Variants in RBFOX3 observed in about 807,000 individuals in gnomAD.
The protein encoded by RBFOX3 is RNA binding protein fox-1 homolog 3.
RBFOX3 carries 17 observed loss-of-function variants against 48.7 expected under a neutral mutation model. The ratio of observed to expected loss-of-function variants is 0.35; its 90% CI spans 0.24 to 0.52. The LOEUF (loss-of-function observed/expected upper bound fraction) is 0.52, where lower values mean the gene tolerates loss of function less well. Among genes scored for constraint, RBFOX3 ranks in the 20% least tolerant of loss-of-function variants. The pLI, the probability that RBFOX3 is intolerant of heterozygous loss-of-function variation, is 0.94. For missense variants in RBFOX3, 382 were observed against 497.5 expected (o/e 0.77, Z 2.21); for synonymous variants, 212 against 209.5 (o/e 1.01, Z -0.10).
At chr17:79,290,007 G>A (rs1347918791) in intron 3 of RBFOX3, among the ~76,000 whole-genome samples, 1 of 152,202 alleles carries the variant, frequency 6.6e-6, no homozygotes, top group Non-Finnish European at 1.5e-5. Flanking sequence ...TGAGTTCCCA[G>A]AGGGTTCAGA....
chr17:79,571,358 A>G (rs2092671269), intron 1 of RBFOX3, among the ~76,000 whole-genome samples: 2 of 152,160 alleles, frequency 1.3e-5, no homozygotes, highest in Admixed American at 1.3e-4. Flanking sequence ...GCCTCTGTCA[A>G]GCCTGGCTAG....
At chr17:79,260,436 C>T (rs965453991) in intron 3 of RBFOX3, among the ~76,000 whole-genome samples, 38 of 152,210 alleles carry the variant, frequency 2.5e-4, no homozygotes, top group African/African-American at 8.7e-4. Context: ...AGCTAGGAAC[C>T]CTGAGAAGAA....
At chr17:79,633,383 C>T in the RBFOX3 span, among the ~76,000 whole-genome samples, 2 of 152,254 alleles carry the variant, frequency 1.3e-5, no homozygotes, top group Non-Finnish European at 2.9e-5. Flanking sequence ...CCGGGTGCAC[C>T]CCCTCCCCGG....
chr17:79,659,562 T>C, the RBFOX3 span, among the ~76,000 whole-genome samples: 1 of 151,928 alleles, frequency 6.6e-6, no homozygotes, highest in Non-Finnish European at 1.5e-5. Context: ...CCAGGGCAGG[T>C]GGTGACCCTG....
intron 4 of RBFOX3, among the ~76,000 whole-genome samples, chr17:79,215,559 C>T (rs762370089): frequency 2.4e-4 from 36 of 152,238 alleles, no homozygotes; most frequent in Non-Finnish European, 4.7e-4. Context: ...CATCTCCTGC[C>T]CACACGGAGC....
intron 4 of RBFOX3, among the ~76,000 whole-genome samples, chr17:79,171,615 A>G (rs1419828373): frequency 6.8e-6 from 1 of 147,330 alleles, no homozygotes; most frequent in Non-Finnish European, 1.5e-5. Context: ...AATTACTAAC[A>G]TTTAATTACT....
At chr17:79,475,157 G>C (rs2077548808) in intron 2 of RBFOX3, among the ~76,000 whole-genome samples, 1 of 152,158 alleles carries the variant, frequency 6.6e-6, no homozygotes, top group Admixed American at 6.5e-5. Flanking sequence ...GGTGGGAAGT[G>C]GGTGGGGGAC....
chr17:79,576,299 G>A (rs1281509309), intron 1 of RBFOX3, among the ~76,000 whole-genome samples: 6 of 152,254 alleles, frequency 3.9e-5, no homozygotes, highest in Admixed American at 3.3e-4. Flanking sequence ...ATATGGGGAT[G>A]GAGATGGAGA....
intron 4 of RBFOX3, among the ~76,000 whole-genome samples, chr17:79,207,656 C>T (rs940306245): frequency 2.6e-5 from 4 of 152,222 alleles, no homozygotes; most frequent in South Asian, 2.1e-4. Context: ...GCCCTCCTCT[C>T]GCGGGCCTAA....
intron 2 of RBFOX3, among the ~76,000 whole-genome samples, chr17:79,431,417 G>A (rs1364485657): frequency 4.6e-5 from 7 of 151,776 alleles, no homozygotes; most frequent in African/African-American, 9.7e-5. Flanking sequence ...GGGTTCAAAC[G>A]ATTCTCCTGC....
At chr17:79,388,916 A>C (rs2148127340) in intron 2 of RBFOX3, among the ~76,000 whole-genome samples, 1 of 152,302 alleles carries the variant, frequency 6.6e-6, no homozygotes, top group Middle Eastern at 3.4e-3. Flanking sequence ...AGATTCCCTT[A>C]ACTCCTCCCA....
Position 79,198,424 on chromosome 17 carries a change from T to C in RBFOX3, c.-34+37342A>G, listed in dbSNP as rs1599929208. ...GGTGACAGTGGAACGCTGGCATCTG[T>C]GTCCCGCCTGCCAGCTCATGGAGAA... On this transcript the variant is annotated intron_variant, in intron 4 of 14. Transcript: ENST00000693108. The surrounding 1 kb of genome is among the most constrained non-coding windows in gnomAD (Gnocchi z 8.2). 6.6e-6 allele frequency among the ~76,000 whole-genome samples: 1 copy of C among 152,196 alleles called. No homozygotes were observed. Among genetic ancestry groups the C allele is most frequent in the Admixed American group, 6.5e-5 (1 of 15,290 alleles).
In RBFOX3 at chr17:79,362,878, A is replaced by G. The variant is rs2057188620; in HGVS notation, c.-174-55054T>C. On this transcript the variant is annotated intron_variant, in intron 2 of 14. Transcript: ENST00000693108. The surrounding 1 kb of genome is among the most constrained non-coding windows in gnomAD (Gnocchi z 4.2). ...CTGTGTGCAGACCTCATTCTCGGAC[A>G]CTTCGAGGCCACACAGGTGTGAGAG... Among the ~76,000 whole-genome samples, 1 of 152,164 alleles carries G rather than the reference A, an allele frequency of 6.6e-6. No individual in the cohort carries two copies. The highest frequency in any genetic ancestry group is 2.4e-5 in the African/African-American group (1 of 41,442).
chr17:79,445,650 T>C (rs1457693871), intron 2 of RBFOX3, among the ~76,000 whole-genome samples: 1 of 152,200 alleles, frequency 6.6e-6, no homozygotes, highest in Non-Finnish European at 1.5e-5. Flanking sequence ...CCTGCTTTCC[T>C]GGGGGCAAAG....
intron 2 of RBFOX3, among the ~76,000 whole-genome samples, chr17:79,335,269 T>C (rs923207575): frequency 1.3e-5 from 2 of 152,204 alleles, no homozygotes; most frequent in Non-Finnish European, 2.9e-5. Flanking sequence ...GAGATGTCCA[T>C]TTGCGACCAA....
At chr17:79,458,355 C>T (rs144987818) in intron 2 of RBFOX3, among the ~76,000 whole-genome samples, 20 of 152,306 alleles carry the variant, frequency 1.3e-4, no homozygotes, top group Middle Eastern at 3.4e-3. Context: ...GCAATGTTGA[C>T]GTCTCACGTA....
chr17:79,314,159 T>G (rs2077223018), intron 2 of RBFOX3, among the ~76,000 whole-genome samples: 1 of 152,182 alleles, frequency 6.6e-6, no homozygotes, highest in Non-Finnish European at 1.5e-5. Flanking sequence ...TGTTGTTTTT[T>G]TACTAAAAGG....
intron 1 of RBFOX3, among the ~76,000 whole-genome samples, chr17:79,495,266 G>A (rs1329746536): frequency 7.4e-6 from 1 of 135,230 alleles, no homozygotes; most frequent in East Asian, 2.2e-4. Flanking sequence ...AAGGGGGGAA[G>A]GGAGGGACGG....
intron 4 of RBFOX3, among the ~76,000 whole-genome samples, chr17:79,224,946 T>G (rs2060141775): frequency 6.6e-6 from 1 of 152,240 alleles, no homozygotes; most frequent in Non-Finnish European, 1.5e-5. Context: ...TTTAGAAGAA[T>G]AAGAATTTGA....
Sources: gnomAD v4.1 joint callset for allele counts (sites outside exome capture counted in the v4.1 genomes callset) on GRCh38, gnomAD v4.1.1 for gene constraint, Gnocchi (gnomAD v3.1) non-coding constraint, MANE v1.5 for transcripts, NCBI Gene and HGNC (gene_info 2026-07-23, HGNC 2026-07-21) for gene names.